Variants in DEK observed in about 807,000 individuals in gnomAD.
DEK encodes the protein DEK proto-oncogene, also known as protein DEK.
In DEK, 28 loss-of-function variants were observed where a neutral mutation model predicts 46.8. That is an observed-to-expected ratio of 0.60 (90% confidence interval 0.44 to 0.82). DEK has a LOEUF of 0.82. DEK is among the 40% of genes least tolerant of loss of function. The pLI, the probability that DEK is intolerant of heterozygous loss-of-function variation, is 0.00. For missense variants in DEK, 416 were observed against 430.6 expected (o/e 0.97, Z 0.30); for synonymous variants, 160 against 144.5 (o/e 1.11, Z -0.77).
At chr6:18,257,754 G>T (rs214519) in intron 4 of DEK, among the ~76,000 whole-genome samples, 199 bp downstream of exon 4, 44,044 of 151,740 alleles carry the variant, frequency 0.29, 7,225 homozygotes, top group African/African-American at 0.43. Flanking sequence ...AAAGAAAAAA[G>T]AAGACAGAGC....
intron 9 of DEK, among the ~76,000 whole-genome samples, chr6:18,235,415 G>A (rs1022416533): frequency 1.1e-4 from 16 of 152,172 alleles, no homozygotes; most frequent in Non-Finnish European, 2.2e-4. Context: ...CAACTGTATA[G>A]AATGGGTGAT....
At chr6:18,232,904 CA>C (rs1489764619) in intron 9 of DEK, among the ~76,000 whole-genome samples, 1 of 152,034 alleles carries the variant, frequency 6.6e-6, no homozygotes, top group African/African-American at 2.4e-5. Context: ...AATCTTAAGC[CA>C]AAAGAACAAA....
intron 2 of DEK, among the ~76,000 whole-genome samples, 181 bp downstream of exon 2, chr6:18,263,660 CAA>C (rs1415588916): frequency 2.0e-5 from 3 of 152,236 alleles, no homozygotes; most frequent in African/African-American, 7.2e-5. Context: ...CCGGAATACA[CAA>C]AGTCAATTCT....
chr6:18,260,054 T>C lies in DEK; in HGVS notation c.146-1649A>G, dbSNP rs539816473. The stretch of plus-strand genomic sequence containing the variant: ...CATCTGAGATTCATATTAACTAATA[T>C]TGCCTCAGTATCTGTGAGGGATTGG... On this transcript the variant is annotated intron_variant, in intron 2 of 10. Coordinates refer to ENST00000652689, the MANE Select transcript of DEK (RefSeq NM_003472.4). 2.2e-4 allele frequency among the ~76,000 whole-genome samples: 33 copies of C among 152,284 alleles called. 1 individual carries two copies. The South Asian group carries it at 6.4e-3, about 30-fold the overall frequency.
intron 6 of DEK, among the ~76,000 whole-genome samples, chr6:18,250,341 C>A (rs376401829): frequency 6.6e-6 from 1 of 151,824 alleles, no homozygotes; most frequent in East Asian, 2.0e-4. Flanking sequence ...TGGTGGCGGG[C>A]GCCTGTAGCC....
intron 7 of DEK, among the ~76,000 whole-genome samples, chr6:18,242,135 C>T (rs1341294733): frequency 6.6e-6 from 1 of 152,140 alleles, no homozygotes; most frequent in Non-Finnish European, 1.5e-5. Context: ...GTGGCTCAAC[C>T]CCGTAATCCC....
intron 9 of DEK, among the ~76,000 whole-genome samples, chr6:18,234,738 C>T (rs1333103512): frequency 6.6e-6 from 1 of 152,170 alleles, no homozygotes; most frequent in Non-Finnish European, 1.5e-5. Context: ...TCTCCTGTAA[C>T]TTCTCCTTTC....
At chr6:18,250,641 A>G (rs113215459) in intron 6 of DEK, among the ~76,000 whole-genome samples, 127 of 112,542 alleles carry the variant, frequency 1.1e-3, no homozygotes, top group African/African-American at 4.3e-3. Flanking sequence ...GATTACAAGT[A>G]TGCACCATCA....
chr6:18,264,033 C>T (rs774491431), intron 1 of DEK, 37 bp from the exon 2 acceptor site: 2 of 1,559,584 alleles, frequency 1.3e-6, no homozygotes, highest in African/African-American at 2.7e-5. Context: ...CTCGGTCCTC[C>T]TACTCCCGCA....
Position 18,256,277 on chromosome 6 carries a change from G to C in DEK, c.452+84C>G, listed in dbSNP as rs974624700. ...GCTGGGATTACAGGTGTGAGCCACT[G>C]TGCCTGGCCCGAATGTGATTTAACA... On this transcript the variant is annotated intron_variant, in intron 5 of 10. Transcript: ENST00000652689. The C allele has an allele frequency of 3.2e-6, 4 of 1,235,850 alleles. No homozygotes were observed. The African/African-American group carries it at 6.0e-5, about 19-fold the overall frequency. 76.6% of individuals were successfully genotyped at this position (1,235,850 alleles called of 1,614,324 possible).
chr6:18,261,764 G>A (rs561650016), intron 2 of DEK, among the ~76,000 whole-genome samples: 2 of 152,206 alleles, frequency 1.3e-5, no homozygotes, highest in Non-Finnish European at 2.9e-5. Flanking sequence ...ATAGGTGGAA[G>A]AAACTCATCT....
chr6:18,262,874 A>G (rs1299639439), intron 2 of DEK, among the ~76,000 whole-genome samples: 1 of 152,236 alleles, frequency 6.6e-6, no homozygotes, highest in Non-Finnish European at 1.5e-5. Context: ...ACTTTAAACA[A>G]ACAAAAGGCA....
intron 5 of DEK, among the ~76,000 whole-genome samples, 184 bp downstream of exon 5, chr6:18,256,177 G>A (rs545189742): frequency 4.5e-4 from 68 of 152,034 alleles, no homozygotes; most frequent in African/African-American, 1.6e-3. Flanking sequence ...AGTGGAGACG[G>A]GGTTTCTCCA....
chr6:18,256,910 G>T (rs986872105), intron 4 of DEK, among the ~76,000 whole-genome samples: 1 of 152,184 alleles, frequency 6.6e-6, no homozygotes, highest in Non-Finnish European at 1.5e-5. Flanking sequence ...CCGTTCACTA[G>T]TTATGGGACT....
At chr6:18,259,428 A>ATAAAT (rs1561993168) in intron 2 of DEK, among the ~76,000 whole-genome samples, 10 of 144,110 alleles carry the variant, frequency 6.9e-5, no homozygotes, top group Non-Finnish European at 1.2e-4. Context: ...AAAAAAAAAA[A>ATAAAT]AAAAATCTAG....
At chr6:18,225,782 AT>A in intron 10 of DEK, 52 bp from the exon 11 acceptor site, 3 of 1,600,348 alleles carry the variant, frequency 1.9e-6, no homozygotes, top group East Asian at 2.2e-5. Context: ...CCTTTATCCC[AT>A]TTTTTCCACA....
intron 2 of DEK, among the ~76,000 whole-genome samples, chr6:18,263,270 C>G (rs1362184243): frequency 6.6e-6 from 1 of 152,162 alleles, no homozygotes; most frequent in Non-Finnish European, 1.5e-5. Context: ...TTTCAGAGTT[C>G]ACTTTCTTCA....
chr6:18,237,105 A>C (rs1197053699), intron 8 of DEK: 3 of 310,910 alleles, frequency 9.6e-6, no homozygotes, highest in African/African-American at 6.5e-5. Context: ...CAGGCTATTT[A>C]AGATGAATAT....
Position 18,229,897 on chromosome 6 carries a change from G to C in DEK, c.1048-3655C>G, listed in dbSNP as rs184949606. ...AGAGAACACCACAAAAATACTCCTC[G>C]AGAAGAGCAACTCCAAGATACATAA... On this transcript the variant is annotated intron_variant, in intron 9 of 10. Coordinates refer to ENST00000652689, the MANE Select transcript of DEK (RefSeq NM_003472.4). Among the ~76,000 whole-genome samples the C allele has an allele frequency of 2.1e-3, 322 of 152,194 alleles. 3 individuals carry two copies. Among genetic ancestry groups the C allele is most frequent in the African/African-American group, 7.4e-3 (309 of 41,514 alleles).
Sources: allele counts gnomAD v4.1 joint callset (sites outside exome capture counted in the v4.1 genomes callset), GRCh38; gene constraint gnomAD v4.1.1; transcripts MANE v1.5; gene names NCBI Gene and HGNC (gene_info 2026-07-23, HGNC 2026-07-21).